ZFHX3: variants seen among roughly 807,000 people sequenced by gnomAD.
ZFHX3 encodes the protein zinc finger homeobox protein 3.
Under a neutral mutation model 279.1 loss-of-function variants are expected in ZFHX3, and 42 were observed. The observed-to-expected ratio is 0.15, with a 90% CI of 0.12 to 0.19. The LOEUF is 0.19. Among genes scored for constraint, ZFHX3 ranks in the 10% least tolerant of loss-of-function variants. The probability of loss-of-function intolerance (pLI) is 1.00; values close to 1 mark genes in which losing one functional copy is unlikely to be tolerated. For missense variants in ZFHX3, 4,981 were observed against 4,754.0 expected (o/e 1.05, Z -1.40); for synonymous variants, 2,293 against 1,957.8 (o/e 1.17, Z -4.52).
intron 7 of ZFHX3, among the ~76,000 whole-genome samples, chr16:73,105,434 C>CACACACACATATATATATAT (rs1966290071): frequency 7.2e-5 from 3 of 41,582 alleles, no homozygotes; most frequent in Middle Eastern, 0.013. Context: ...TATATATATA[C>CACACACACATATATATATAT]ACACACACAC....
At chr16:73,371,517 G>A (rs1448367885) in intron 3 of ZFHX3, among the ~76,000 whole-genome samples, 1 of 151,726 alleles carries the variant, frequency 6.6e-6, no homozygotes, top group Non-Finnish European at 1.5e-5. Flanking sequence ...CCGAGTACCA[G>A]GTAAGTTAAG....
rs554145758 is a variant in ZFHX3 at position 73,678,951 on chromosome 16, C to T, written c.-1547+1229G>A. On this transcript the variant is annotated intron_variant, in intron 2 of 17. Transcript: ENST00000641206. ...GGTTCTGCTAACGAGGATCACAACA[C>T]CAGATGACCAAGAATCACCAACAGG... 3.9e-5 allele frequency among the ~76,000 whole-genome samples: 6 copies of T among 152,226 alleles called. No individual in the cohort carries two copies. In the East Asian group the frequency reaches 1.2e-3, roughly 29 times the overall value.
intron 3 of ZFHX3, among the ~76,000 whole-genome samples, chr16:73,343,954 A>C (rs1194828253): frequency 6.6e-6 from 1 of 152,214 alleles, no homozygotes. Context: ...GAAATGATGG[A>C]ATTAGAAAAT....
chr16:72,908,155 G>T (rs1051621212), intron 3 of ZFHX3, among the ~76,000 whole-genome samples: 2 of 152,176 alleles, frequency 1.3e-5, no homozygotes, highest in Non-Finnish European at 2.9e-5. Flanking sequence ...ACCCCCCAGT[G>T]AGACTGGAAG....
At chr16:73,589,545 C>A (rs1435663900) in intron 2 of ZFHX3, among the ~76,000 whole-genome samples, 1 of 150,032 alleles carries the variant, frequency 6.7e-6, no homozygotes, top group Non-Finnish European at 1.5e-5. Context: ...TCCTGGCTAA[C>A]ACAGTGAAAC....
At chr16:73,179,670 T>C (rs1356772856) in intron 5 of ZFHX3, among the ~76,000 whole-genome samples, 2 of 152,142 alleles carry the variant, frequency 1.3e-5, no homozygotes, top group African/African-American at 4.8e-5. Context: ...AATCAGGAGA[T>C]TAAGTCTCCA....
chr16:73,036,585 G>GTCCT, intron 1 of ZFHX3, among the ~76,000 whole-genome samples: 1 of 152,164 alleles, frequency 6.6e-6, no homozygotes, highest in Non-Finnish European at 1.5e-5. Flanking sequence ...GCGCAGGGAG[G>GTCCT]AGGAGGGAGG....
At chr16:73,219,781 T>C (rs779760243) in intron 5 of ZFHX3, among the ~76,000 whole-genome samples, 3 of 152,174 alleles carry the variant, frequency 2.0e-5, no homozygotes, top group African/African-American at 2.4e-5. Flanking sequence ...TGGGCAAGAC[T>C]TCTTTTGAAA....
At chr16:73,376,896 A>G (rs1343731706) in intron 3 of ZFHX3, among the ~76,000 whole-genome samples, 2 of 151,880 alleles carry the variant, frequency 1.3e-5, no homozygotes, top group African/African-American at 4.8e-5. Flanking sequence ...AGACCTTCTA[A>G]TTATTGCCCT....
chr16:73,527,577 C>T lies in ZFHX3; in HGVS notation c.-1546-71319G>A, dbSNP rs147196937. On this transcript the variant is annotated intron_variant, in intron 2 of 17. Coordinates refer to the ZFHX3 transcript ENST00000641206. Reference sequence around the variant, plus strand: ...GAGGGACCTAGGGGCTCACTTCAGTCGAATAGAATATGGCAAATGTTATGG... The same window carrying T: ...GAGGGACCTAGGGGCTCACTTCAGTTGAATAGAATATGGCAAATGTTATGG... Among the ~76,000 whole-genome samples, 1,108 of 152,276 alleles carry T rather than the reference C, an allele frequency of 7.3e-3. 9 individuals carry two copies. The highest frequency in any genetic ancestry group is 0.01 in the Non-Finnish European group (707 of 68,020).
At chr16:72,961,500 T>A (rs770401321) in intron 1 of ZFHX3, among the ~76,000 whole-genome samples, 2 of 152,042 alleles carry the variant, frequency 1.3e-5, no homozygotes, top group African/African-American at 4.8e-5. Flanking sequence ...CCAGCCACCA[T>A]TCCCCTGCTG....
At chr16:73,757,985 A>G (rs1465964842) in intron 1 of ZFHX3, among the ~76,000 whole-genome samples, 1 of 152,224 alleles carries the variant, frequency 6.6e-6, no homozygotes, top group Non-Finnish European at 1.5e-5. Flanking sequence ...CTCCTTAAGC[A>G]TAAGTTTCAA....
upstream of ZFHX3, among the ~76,000 whole-genome samples, chr16:73,048,986 C>T (rs1965399657): frequency 6.6e-6 from 1 of 152,178 alleles, no homozygotes; most frequent in Non-Finnish European, 1.5e-5. Context: ...AAGATCGTGC[C>T]CTTTCCCAGG....
intron 5 of ZFHX3, among the ~76,000 whole-genome samples, chr16:73,227,828 A>G: frequency 6.9e-6 from 1 of 145,874 alleles, no homozygotes; most frequent in African/African-American, 2.6e-5. Flanking sequence ...CAGCCTGAGC[A>G]ACAGAGCAAG....
chr16:73,181,688 G>T (rs1026373434), intron 5 of ZFHX3, among the ~76,000 whole-genome samples: 1 of 152,194 alleles, frequency 6.6e-6, no homozygotes, highest in African/African-American at 2.4e-5. Context: ...TGGGACAAAT[G>T]AGCTTTAATG....
intron 5 of ZFHX3, among the ~76,000 whole-genome samples, chr16:72,829,106 G>A (rs1417740992): frequency 6.6e-6 from 1 of 151,826 alleles, no homozygotes; most frequent in Non-Finnish European, 1.5e-5. Flanking sequence ...GAGGGTTCAA[G>A]TGGTTCTCCC....
At chr16:73,605,096 C>T (rs918992294) in intron 2 of ZFHX3, among the ~76,000 whole-genome samples, 1 of 152,150 alleles carries the variant, frequency 6.6e-6, no homozygotes, top group Non-Finnish European at 1.5e-5. Flanking sequence ...TCTGCTGTAA[C>T]TAAAAAAGGA....
chr16:72,809,164 T>C (rs1030131960), intron 7 of ZFHX3, among the ~76,000 whole-genome samples: 3 of 152,278 alleles, frequency 2.0e-5, no homozygotes, highest in African/African-American at 7.2e-5. Context: ...AGTTATACTC[T>C]AGTCCCTAGG....
At chr16:73,805,055 T>G (rs2142330358) in intron 1 of ZFHX3, among the ~76,000 whole-genome samples, 1 of 152,324 alleles carries the variant, frequency 6.6e-6, no homozygotes, top group East Asian at 1.9e-4. Context: ...TTCATGTATT[T>G]CCTGCTGCAC....
Sources: allele counts gnomAD v4.1 joint callset (sites outside exome capture counted in the v4.1 genomes callset), GRCh38; gene constraint gnomAD v4.1.1; transcripts MANE v1.5; gene names NCBI Gene and HGNC (gene_info 2026-07-23, HGNC 2026-07-21).